TUBGCP5: variants seen among roughly 807,000 people sequenced by gnomAD.
TUBGCP5 encodes the protein gamma-tubulin complex component 5.
Under a neutral mutation model 134.7 loss-of-function variants are expected in TUBGCP5, and 98 were observed. The ratio of observed to expected loss-of-function variants is 0.73; its 90% confidence interval spans 0.62 to 0.86. The LOEUF is 0.86. Among genes scored for constraint, TUBGCP5 ranks in the 40% least tolerant of loss-of-function variants. The pLI is 0.00. For missense variants in TUBGCP5, 1,150 were observed against 1,244.8 expected (o/e 0.92, Z 1.15); for synonymous variants, 456 against 431.4 (o/e 1.06, Z -0.71).
At chr15:23,037,488 G>A (rs960061629) in intron 1 of TUBGCP5, among the ~76,000 whole-genome samples, 1 of 151,858 alleles carries the variant, frequency 6.6e-6, no homozygotes, top group Non-Finnish European at 1.5e-5. Context: ...GTGAGGCCCG[G>A]TGAAGCCTAA....
At chr15:23,001,659 T>TC (rs2064391293) in intron 21 of TUBGCP5, among the ~76,000 whole-genome samples, 2 of 151,648 alleles carry the variant, frequency 1.3e-5, no homozygotes, top group African/African-American at 4.9e-5. Context: ...CTTTCTTTTT[T>TC]TTTTTTTTAA....
intron 18 of TUBGCP5, 94 bp downstream of exon 18, chr15:23,005,958 C>A: frequency 8.0e-7 from 1 of 1,249,280 alleles, no homozygotes; most frequent in Non-Finnish European, 1.1e-6. Context: ...TTTTTTTTTC[C>A]AGATCCCCGT....
chr15:23,004,270 G>C (rs747072228), intron 19 of TUBGCP5, 43 bp from the exon 20 acceptor site: 2 of 1,598,692 alleles, frequency 1.3e-6, no homozygotes, highest in South Asian at 2.3e-5. Context: ...AGCCTTCTTT[G>C]AGGACTTGTG....
Position 23,024,044 on chromosome 15 carries a change from G to A in TUBGCP5, c.1071C>T (p.Pro357=). 6.2e-7 allele frequency: 1 copy of A among 1,614,124 alleles called. No individual in the cohort carries two copies. The highest frequency in any genetic ancestry group is 1.1e-5 in the South Asian group (1 of 91,088). ...ACATGAAAGCCTGGTAGGTTCTAAA[G>A]GGAGCTTCAGTTGACTTCTTAGGAA... is the stretch of plus-strand genomic sequence containing the variant. ...GSVPKKSTEA[P]FRTYQAFMWA... Residue 357 remains proline, a synonymous_variant, in exon 10 of 23, where the codon CCC becomes CCT. Transcript: ENST00000615383.
chr15:23,018,071 T>C, intron 12 of TUBGCP5, 30 bp from the exon 13 acceptor site: 4 of 1,566,132 alleles, frequency 2.6e-6, no homozygotes, highest in Non-Finnish European at 3.5e-6. Context: ...TTTTAAACTC[T>C]TATTTCTCTT....
At chr15:22,990,051 G>A (rs1034076707) in intron 23 of TUBGCP5, among the ~76,000 whole-genome samples, 1 of 152,160 alleles carries the variant, frequency 6.6e-6, no homozygotes, top group Non-Finnish European at 1.5e-5. Context: ...CCATGCAGCT[G>A]TGCACAGAGT....
intron 1 of TUBGCP5, among the ~76,000 whole-genome samples, chr15:23,038,283 ACAC>A (rs1189261745): frequency 6.2e-5 from 9 of 144,882 alleles, no homozygotes; most frequent in East Asian, 5.8e-4. Context: ...GGTGAATGGA[ACAC>A]CACTTTACCT....
At position 22,999,493 on chromosome 15, in the gene TUBGCP5, T is replaced by G. The variant is rs1014278353; in HGVS notation, c.*327A>C. On this transcript the variant is annotated 3_prime_UTR_variant, in exon 23 of 23. Transcript: ENST00000615383. ...ATGGCTCACTGTAGCCTTGACCTCC[T>G]GGGCTCAAGTAATCCTCCCATCTTT... The G allele has an allele frequency of 9.8e-6, 3 of 305,530 alleles. No individual in the cohort carries two copies. The highest frequency in any genetic ancestry group is 4.2e-5 in the Admixed American group (1 of 23,762). 18.9% of individuals were successfully genotyped at this position (305,530 alleles called of 1,614,324 possible). A position where few individuals can be genotyped will look rare whatever the true frequency, so the allele number is the denominator to read the frequency against.
intron 11 of TUBGCP5, among the ~76,000 whole-genome samples, chr15:23,020,971 T>C (rs1317504973): frequency 6.6e-6 from 1 of 152,052 alleles, no homozygotes; most frequent in Non-Finnish European, 1.5e-5. Flanking sequence ...CTCGGCTCAC[T>C]GCATCCTCCC....
chr15:22,986,508 G>A (rs1256601002), intron 23 of TUBGCP5, among the ~76,000 whole-genome samples: 1 of 151,874 alleles, frequency 6.6e-6, no homozygotes, highest in African/African-American at 2.4e-5. Flanking sequence ...AGGCCAAGGC[G>A]GGTGGATCAC....
At chr15:23,027,104 G>T in intron 7 of TUBGCP5, 88 bp downstream of exon 7, 1 of 991,408 alleles carries the variant, frequency 1.0e-6, no homozygotes, top group Non-Finnish European at 1.5e-6. Context: ...AAATTTCAGG[G>T]AAGAACTTAA....
intron 12 of TUBGCP5, among the ~76,000 whole-genome samples, chr15:23,018,742 A>T: frequency 6.6e-6 from 1 of 152,290 alleles, no homozygotes; most frequent in South Asian, 2.1e-4. Flanking sequence ...AATTAACTGA[A>T]GGGAAATTGT....
chr15:23,024,252 A>G (rs937027083), intron 9 of TUBGCP5, 59 bp from the exon 10 acceptor site: 3 of 1,574,560 alleles, frequency 1.9e-6, no homozygotes, highest in Non-Finnish European at 2.6e-6. Flanking sequence ...ATTCAAATTC[A>G]TTTCCCTCTC....
chr15:23,017,574 C>T (rs1294390946), intron 13 of TUBGCP5, among the ~76,000 whole-genome samples, 199 bp downstream of exon 13: 2 of 152,074 alleles, frequency 1.3e-5, no homozygotes, highest in African/African-American at 4.8e-5. Flanking sequence ...AAACACAGCA[C>T]TAAAAGTTTT....
intron 16 of TUBGCP5, chr15:23,008,481 A>T: frequency 1.7e-6 from 1 of 577,020 alleles, no homozygotes; most frequent in Non-Finnish European, 3.0e-6. Context: ...CTGGTCTCGA[A>T]CTCCTGACCT....
chr15:23,015,929 A>G (rs558411757), intron 13 of TUBGCP5, among the ~76,000 whole-genome samples: 1 of 152,300 alleles, frequency 6.6e-6, no homozygotes, highest in South Asian at 2.1e-4. Flanking sequence ...GTAGAAATCA[A>G]TGTAGAAATA....
At chr15:23,024,963 A>C in intron 8 of TUBGCP5, 133 bp from the exon 9 acceptor site, 1 of 601,028 alleles carries the variant, frequency 1.7e-6, no homozygotes, top group Non-Finnish European at 3.0e-6. Context: ...GTGCAGCAGC[A>C]TGATCACAGC....
At chr15:23,023,834 C>T (rs879904272) in intron 10 of TUBGCP5, 113 bp downstream of exon 10, 20 of 994,870 alleles carry the variant, frequency 2.0e-5, no homozygotes, top group Non-Finnish European at 2.7e-5. Flanking sequence ...GAAGCATTCA[C>T]GAGAACTACT....
intron 14 of TUBGCP5, 101 bp downstream of exon 14, chr15:23,011,031 AG>A: frequency 8.9e-7 from 1 of 1,126,976 alleles, no homozygotes; most frequent in Non-Finnish European, 1.3e-6. Context: ...ATAGCCTACA[AG>A]AGTTTTTGTT....
Sources: allele counts gnomAD v4.1 joint callset (sites outside exome capture counted in the v4.1 genomes callset), GRCh38; gene constraint gnomAD v4.1.1; transcripts MANE v1.5; gene names NCBI Gene and HGNC (gene_info 2026-07-23, HGNC 2026-07-21).